The following ANKH variants were observed in gnomAD, a reference collection of about 807,000 sequenced individuals.
The protein encoded by ANKH is mineralization regulator ANKH.
In ANKH, 15 loss-of-function variants were observed where a neutral mutation model predicts 49.0. That is an observed-to-expected ratio of 0.31 (90% CI 0.20 to 0.47). The LOEUF (loss-of-function observed/expected upper bound fraction) is 0.47, where lower values mean the gene tolerates loss of function less well. ANKH is among the 20% of genes least tolerant of loss of function. The pLI, the probability that ANKH is intolerant of heterozygous loss-of-function variation, is 1.00. For synonymous variants in ANKH, 273 were observed against 260.0 expected, an observed-to-expected ratio of 1.05 and a Z score of -0.48; for missense variants, 429 against 652.0, an observed-to-expected ratio of 0.66 and a Z score of 3.72.
intron 1 of ANKH, among the ~76,000 whole-genome samples, chr5:14,819,424 C>G (rs750132601): frequency 6.6e-6 from 1 of 152,166 alleles, no homozygotes; most frequent in Non-Finnish European, 1.5e-5. Flanking sequence ...TGGGTAGGGG[C>G]TAACATTTCT....
rs1167685252 is a variant in ANKH, at chr5:14,749,184, A to T, written c.810T>A (p.Ser270=). ...AAGCATGGCCCACCTCTGTGGCTGC[A>T]GAACTGCCACCAAGGTCCCGGGAAA... ...LFVSRDLGGS[S]AATEAVAILT... The change falls in exon 6 of 12, where the codon TCT becomes TCA. Residue 270 remains serine (S), a synonymous_variant. Transcript: ENST00000284268. 4.3e-6 allele frequency: 7 copies of T among 1,614,068 alleles called. No homozygotes were observed. Among genetic ancestry groups the T allele is most frequent in the Non-Finnish European group, 5.9e-6 (7 of 1,179,918 alleles).
intron 1 of ANKH, among the ~76,000 whole-genome samples, chr5:14,854,340 C>T (rs948923984): frequency 2.0e-5 from 3 of 152,172 alleles, no homozygotes; most frequent in African/African-American, 7.2e-5. Flanking sequence ...CAAATTAACA[C>T]GACTGAAACA....
chr5:14,812,117 TAAAA>T (rs55728743), intron 1 of ANKH, among the ~76,000 whole-genome samples: 9,659 of 126,458 alleles, frequency 0.076, 471 homozygotes, highest in Admixed American at 0.18. Context: ...GTATTTATCT[TAAAA>T]AAAAAAAAAA....
At chr5:14,869,664 C>T (rs1186019482) in intron 1 of ANKH, 2 of 152,148 alleles carry the variant, frequency 1.3e-5, no homozygotes, top group South Asian at 2.1e-4. Flanking sequence ...GATTCTTTTT[C>T]TTATACTAAA....
At chr5:14,746,039 A>G (rs1738525936) in intron 6 of ANKH, 77 bp from the exon 7 acceptor site, 2 of 1,189,544 alleles carry the variant, frequency 1.7e-6, no homozygotes, top group African/African-American at 1.5e-5. Flanking sequence ...GTGACGAAGC[A>G]CGCCGACTCA....
intron 1 of ANKH, among the ~76,000 whole-genome samples, chr5:14,833,637 T>C (rs1741571244): frequency 6.6e-6 from 1 of 152,224 alleles, no homozygotes; most frequent in South Asian, 2.1e-4. Flanking sequence ...CAAGTAGTGA[T>C]ATCTGCCAGA....
intron 1 of ANKH, among the ~76,000 whole-genome samples, chr5:14,808,530 T>C (rs1360668410): frequency 2.6e-5 from 4 of 152,188 alleles, no homozygotes; most frequent in African/African-American, 9.7e-5. Flanking sequence ...TTTGGGAGGC[T>C]GAGGCAGGTG....
chr5:14,751,019 T>G (rs1206150345), intron 5 of ANKH, 50 bp downstream of exon 5: 1 of 1,601,594 alleles, frequency 6.2e-7, no homozygotes, highest in East Asian at 2.2e-5. Flanking sequence ...GAATACAGTT[T>G]TATTCTACTC....
intron 11 of ANKH, among the ~76,000 whole-genome samples, chr5:14,712,553 G>A (rs1412136950): frequency 2.0e-5 from 3 of 152,260 alleles, no homozygotes; most frequent in African/African-American, 7.2e-5. Flanking sequence ...TCGCATGTCT[G>A]CGGGTCATTC....
At chr5:14,735,551 A>T (rs916811619) in intron 8 of ANKH, among the ~76,000 whole-genome samples, 1 of 152,212 alleles carries the variant, frequency 6.6e-6, no homozygotes, top group African/African-American at 2.4e-5. Context: ...GACTCTGAGC[A>T]ACAGAAAATT....
chr5:14,793,956 C>T (rs1740290790), intron 1 of ANKH, among the ~76,000 whole-genome samples: 2 of 152,266 alleles, frequency 1.3e-5, no homozygotes, highest in African/African-American at 4.8e-5. Context: ...ATGCTATCCA[C>T]TGATCCATTC....
At chr5:14,800,663 T>C (rs1254825808) in intron 1 of ANKH, among the ~76,000 whole-genome samples, 1 of 152,200 alleles carries the variant, frequency 6.6e-6, no homozygotes, top group Non-Finnish European at 1.5e-5. Flanking sequence ...TACACTGTTT[T>C]TTAAGTCCTA....
chr5:14,749,385 C>T (rs1395142064), intron 5 of ANKH, 79 bp from the exon 6 acceptor site: 1 of 1,513,350 alleles, frequency 6.6e-7, no homozygotes, highest in Non-Finnish European at 9.1e-7. Flanking sequence ...CAAAGCTTTT[C>T]CTTCGTATGT....
At position 14,758,582 on chromosome 5, in the gene ANKH, T is replaced by C; in HGVS notation, c.330A>G (p.Gly110=). 6.2e-7 allele frequency: 1 copy of C among 1,612,562 alleles called. No homozygotes were observed. The highest frequency in any genetic ancestry group is 8.5e-7 in the Non-Finnish European group (1 of 1,178,514). ...FHTLIAYSDL[G]YYIINKLHHV... is the part of the protein sequence containing the mutation. The stretch of plus-strand genomic sequence containing the variant: ...GGTGCAGTTTATTGATAATGTAGTA[T>C]CCTAAATCACTATAAGCTGCAAAGT... Residue 110 remains glycine (G), a synonymous_variant, in exon 3 of 12, where the codon GGA becomes GGG. Coordinates refer to ENST00000284268, the MANE Select transcript of ANKH (RefSeq NM_054027.6).
At chr5:14,850,842 C>G (rs1046982752) in intron 1 of ANKH, among the ~76,000 whole-genome samples, 7 of 151,744 alleles carry the variant, frequency 4.6e-5, no homozygotes, top group Admixed American at 6.6e-5. Flanking sequence ...AAGGCACAAA[C>G]GATTAAAGCC....
chr5:14,722,690 A>T (rs539433699), intron 8 of ANKH, among the ~76,000 whole-genome samples: 22 of 152,346 alleles, frequency 1.4e-4, no homozygotes, highest in African/African-American at 4.3e-4. Context: ...ATAGAAATTT[A>T]AAAATGGCAG....
chr5:14,730,433 C>T (rs1028951522), intron 8 of ANKH, among the ~76,000 whole-genome samples: 55 of 152,262 alleles, frequency 3.6e-4, no homozygotes, highest in Admixed American at 1.4e-3. Flanking sequence ...GGCTGAAAAA[C>T]TCTCAGAAGA....
chr5:14,871,471 A>G lies in ANKH; in HGVS notation c.-24T>C. On this transcript the variant is annotated 5_prime_UTR_variant, in exon 1 of 12. Transcript: ENST00000284268. ...ATAGTCCCCGCCGTGGGCTGACCCC[A>G]CACACATCTGCTGCCGCGAGGGGAC... The G allele has an allele frequency of 6.3e-7, 1 of 1,593,888 alleles. No individual in the cohort carries two copies. The highest frequency in any genetic ancestry group is 8.6e-7 in the Non-Finnish European group (1 of 1,164,676).
intron 4 of ANKH, among the ~76,000 whole-genome samples, chr5:14,751,578 T>C (rs1561038279): frequency 6.6e-6 from 1 of 152,242 alleles, no homozygotes; most frequent in Non-Finnish European, 1.5e-5. Flanking sequence ...AATGATTTAC[T>C]GGAACATATA....
Sources: gnomAD v4.1 joint callset for allele counts (sites outside exome capture counted in the v4.1 genomes callset) on GRCh38, gnomAD v4.1.1 for gene constraint, MANE v1.5 for transcripts, NCBI Gene and HGNC (gene_info 2026-07-23, HGNC 2026-07-21) for gene names.